Variants in PER2 observed in about 807,000 individuals in gnomAD.
PER2 encodes period circadian protein homolog 2.
In PER2, 66 loss-of-function variants were observed where a neutral mutation model predicts 121.0. The observed-to-expected ratio is 0.55, with a 90% CI of 0.45 to 0.67. PER2 has a LOEUF of 0.67. Ranked by LOEUF, PER2 falls within the 30% of genes least tolerant of loss-of-function variation. PER2 has a pLI of 0.00. For missense variants in PER2, 1,521 were observed against 1,635.0 expected (o/e 0.93, Z 1.20); for synonymous variants, 684 against 659.9 (o/e 1.04, Z -0.56).
In PER2 at chr2:238,245,407, CG is replaced by C. The variant is rs1695420870; in HGVS notation, c.*967del. The C allele has an allele frequency of 2.5e-6, 1 of 395,346 alleles. No individual in the cohort carries two copies. Among genetic ancestry groups the C allele is most frequent in the Non-Finnish European group, 4.5e-6 (1 of 224,468 alleles). The allele number at this position is 395,346 out of a possible 1,614,324, so 24.5% of individuals were successfully genotyped here. Reference sequence around the variant, plus strand: ...GCACCCCTGAAAATACAGATGCAGTCGCAAGCTGTCAGACTGAGTGGCAGTG... The same window carrying C: ...GCACCCCTGAAAATACAGATGCAGTCCAAGCTGTCAGACTGAGTGGCAGTG... On this transcript the variant is annotated 3_prime_UTR_variant, in exon 23 of 23. Transcript: ENST00000254657.
At position 238,246,319 on chromosome 2, in the gene PER2, C is replaced by A; in HGVS notation, c.*56G>T. ...AAACAGCCATGAAGATCTTTCATCT[C>A]TTCCAAGCACCACCTGGTGTACCTC... is the stretch of plus-strand genomic sequence containing the variant. On this transcript the variant is annotated 3_prime_UTR_variant, in exon 23 of 23. Transcript: ENST00000254657. The A allele has an allele frequency of 7.2e-7, 1 of 1,383,860 alleles. No individual in the cohort carries two copies. The highest frequency in any genetic ancestry group is 1.4e-5 in the South Asian group (1 of 72,686). 85.7% of individuals were successfully genotyped at this position (1,383,860 alleles called of 1,614,324 possible).
At position 238,261,715 on chromosome 2, in the gene PER2, G is replaced by A. The variant is rs773955735; in HGVS notation, c.1416+14C>T. On this transcript the variant is annotated intron_variant, in intron 12 of 22. Coordinates refer to ENST00000254657, the MANE Select transcript of PER2 (RefSeq NM_022817.3). ...CTGCTACCTGGGAGGAGGACATGCA[G>A]GCACCACACCCACCTGCAGCAGGAG... 11 of 1,523,762 alleles carry A rather than the reference G, an allele frequency of 7.2e-6. No homozygotes were observed. Among genetic ancestry groups the A allele is most frequent in the East Asian group, 2.4e-5 (1 of 40,894 alleles). The allele number at this position is 1,523,762 out of a possible 1,614,324, so 94.4% of individuals were successfully genotyped here.
intron 10 of PER2, 95 bp from the exon 11 acceptor site, chr2:238,262,439 A>C: frequency 5.7e-6 from 7 of 1,238,662 alleles, no homozygotes; most frequent in Non-Finnish European, 8.3e-6. Context: ...GCCCAGGATC[A>C]TTTGCAAACT....
At chr2:238,259,258 G>A (rs1695853456) in intron 14 of PER2, among the ~76,000 whole-genome samples, 1 of 152,242 alleles carries the variant, frequency 6.6e-6, no homozygotes, top group Admixed American at 6.5e-5. Flanking sequence ...TTCCCCACGG[G>A]AGGCTTCGGC....
At chr2:238,275,922 C>G in intron 3 of PER2, 25 bp from the exon 4 acceptor site, 1 of 1,613,898 alleles carries the variant, frequency 6.2e-7, no homozygotes, top group East Asian at 2.2e-5. Context: ...AAAGAGGCAG[C>G]CAAATGTTAG....
intron 14 of PER2, 99 bp downstream of exon 14, chr2:238,259,870 C>G (rs1006103702): frequency 1.1e-5 from 8 of 697,514 alleles, no homozygotes; most frequent in Non-Finnish European, 2.1e-5. Flanking sequence ...ACAAGGTAGA[C>G]TCCCTGCCAG....
At chr2:238,275,158 G>A (rs1450222791) in intron 4 of PER2, among the ~76,000 whole-genome samples, 1 of 152,156 alleles carries the variant, frequency 6.6e-6, no homozygotes, top group Non-Finnish European at 1.5e-5. Context: ...TTTTATGCAT[G>A]TTTTTAATGT....
Position 238,258,447 on chromosome 2 carries a change from G to C in PER2, c.1776-47C>G, listed in dbSNP as rs545301333. The C allele has an allele frequency of 5.0e-6, 8 of 1,614,124 alleles. No individual in the cohort carries two copies. In the East Asian group the frequency reaches 6.7e-5, roughly 13 times the overall value. ...CTGGTGAGGCCACACAACATGAGAG[G>C]AGGGAAGGTGTGTGAGATGGTGGAG... On this transcript the variant is annotated intron_variant, in intron 15 of 22. Coordinates refer to ENST00000254657, the MANE Select transcript of PER2 (RefSeq NM_022817.3).
intron 1 of PER2, among the ~76,000 whole-genome samples, chr2:238,280,762 C>T (rs984539991): frequency 6.6e-6 from 1 of 152,080 alleles, no homozygotes; most frequent in African/African-American, 2.4e-5. Context: ...AAACAGAAAC[C>T]ATAATGAGCG....
intron 1 of PER2, among the ~76,000 whole-genome samples, chr2:238,287,897 G>A (rs1418865843): frequency 6.6e-6 from 1 of 152,222 alleles, no homozygotes; most frequent in Non-Finnish European, 1.5e-5. Context: ...CATCCCAGAA[G>A]GTAGGCGCGA....
Position 238,275,797 on chromosome 2 carries a change from C to T in PER2, c.394G>A (p.Ala132Thr), listed in dbSNP as rs764376498. ...TACTTCAAGGTGGCCAGCGTACTGG[C>T]CTTGCCCTTGGCCTTCTTGTCTGCA... is the stretch of plus-strand genomic sequence containing the variant. The part of the protein sequence containing the change: ...LPADKKAKGK[A>T]STLATLKYAL... The change falls in exon 4 of 23, where the codon GCC becomes ACC. Residue 132 changes from alanine to threonine, a missense_variant. By Grantham distance (58) the Ala-to-Thr change is moderately conservative (BLOSUM62 0). Transcript: ENST00000254657. 10 of 1,614,112 alleles carry T rather than the reference C, an allele frequency of 6.2e-6. No individual in the cohort carries two copies. The highest frequency in any genetic ancestry group is 4.4e-5 in the South Asian group (4 of 91,092).
At chr2:238,248,648 T>C (rs1017411035) in intron 22 of PER2, among the ~76,000 whole-genome samples, 1 of 144,796 alleles carries the variant, frequency 6.9e-6, no homozygotes, top group African/African-American at 2.6e-5. Context: ...AAACCTTTAA[T>C]TTTAGAAATT....
chr2:238,292,558 T>TG (rs940898331), upstream of PER2, among the ~76,000 whole-genome samples: 9 of 152,206 alleles, frequency 5.9e-5, no homozygotes. Flanking sequence ...CGTTCCACCC[T>TG]GGGGGAGGAA....
At chr2:238,279,035 G>A (rs551202070) in intron 1 of PER2, among the ~76,000 whole-genome samples, 1 of 152,224 alleles carries the variant, frequency 6.6e-6, no homozygotes, top group South Asian at 2.1e-4. Flanking sequence ...GACACAAACT[G>A]AGGGGGGGTG....
intron 1 of PER2, among the ~76,000 whole-genome samples, chr2:238,279,827 A>T (rs754097363): frequency 2.8e-4 from 43 of 152,250 alleles, no homozygotes; most frequent in Non-Finnish European, 4.7e-4. Context: ...CCACAAAGTG[A>T]AGGTGCGTCC....
chr2:238,282,707 C>A (rs1335645813), intron 1 of PER2, among the ~76,000 whole-genome samples: 2 of 152,240 alleles, frequency 1.3e-5, no homozygotes, highest in Non-Finnish European at 2.9e-5. Flanking sequence ...CTGGGGCAGA[C>A]AACAGAGCAG....
chr2:238,283,651 C>G (rs1447795945), intron 1 of PER2, among the ~76,000 whole-genome samples: 1 of 152,238 alleles, frequency 6.6e-6, no homozygotes, highest in Non-Finnish European at 1.5e-5. Context: ...CGATAGGGAA[C>G]TGTGGAGAGT....
chr2:238,286,842 G>A (rs145246254), intron 1 of PER2, among the ~76,000 whole-genome samples: 3 of 152,344 alleles, frequency 2.0e-5, no homozygotes, highest in East Asian at 1.9e-4. Flanking sequence ...CAGTGGGTAC[G>A]AGAAGTAGTG....
Position 238,253,456 on chromosome 2 carries a change from A to C in PER2, c.2567T>G (p.Leu856Arg). ...FPAPVPAAYS[L>R]PVFPAPGTVA... ...AGTCCCTGGCGCTGGAAACACGGGC[A>C]GTGAATAAGCTGCTGGCACTGGGGC... Residue 856 changes from leucine to arginine, a missense_variant, in exon 19 of 23, where the codon CTG (leucine) becomes CGG (arginine). Transcript: ENST00000254657. This position sits in a 1 kb window ranked among gnomAD's most constrained non-coding sequence, Gnocchi z 5.6. 1 of 1,612,918 alleles carries C rather than the reference A, an allele frequency of 6.2e-7. No homozygotes were observed. The highest frequency in any genetic ancestry group is 2.2e-5 in the East Asian group (1 of 44,848).
Sources: gnomAD v4.1 joint callset for allele counts (sites outside exome capture counted in the v4.1 genomes callset) on GRCh38, gnomAD v4.1.1 for gene constraint, Gnocchi (gnomAD v3.1) non-coding constraint, MANE v1.5 for transcripts, NCBI Gene and HGNC (gene_info 2026-07-23, HGNC 2026-07-21) for gene names.